The following RIMS3 variants were observed in gnomAD, a reference collection of about 807,000 sequenced individuals.
RIMS3 encodes regulating synaptic membrane exocytosis 3.
RIMS3 carries 15 observed loss-of-function variants against 29.2 expected under a neutral mutation model. The ratio of observed to expected loss-of-function variants is 0.51; its 90% confidence interval spans 0.34 to 0.79. The LOEUF is 0.79. Among genes scored for constraint, RIMS3 ranks in the 30% least tolerant of loss-of-function variants. RIMS3 has a pLI of 0.01. For missense variants in RIMS3, 342 were observed against 421.4 expected (o/e 0.81, Z 1.65); for synonymous variants, 161 against 170.1 (o/e 0.95, Z 0.41).
intron 1 of RIMS3, among the ~76,000 whole-genome samples, chr1:40,655,900 C>A (rs1286065470): frequency 2.0e-5 from 3 of 152,200 alleles, no homozygotes. Flanking sequence ...GTAATCCCAG[C>A]TACTTGGGAG....
At chr1:40,672,529 A>C in the RIMS3 span, among the ~76,000 whole-genome samples, 1 of 152,178 alleles carries the variant, frequency 6.6e-6, no homozygotes, top group African/African-American at 2.4e-5. Context: ...CTTCTGGTTC[A>C]AACACGCATA....
intron 3 of RIMS3, among the ~76,000 whole-genome samples, chr1:40,639,740 C>A (rs1386452588): frequency 6.6e-6 from 1 of 152,128 alleles, no homozygotes; most frequent in Admixed American, 6.5e-5. Flanking sequence ...TCTCCCCAGG[C>A]TCTGGATGCC....
At position 40,622,877 on chromosome 1, in the gene RIMS3, C is replaced by T. The variant is rs115115440; in HGVS notation, c.*3640G>A. Reference sequence around the variant, plus strand: ...GGGCAGCAGGGCATGGAAGAGGGACCCTGGTTGCATGTCAGGGCTCCTGGT... The same window carrying T: ...GGGCAGCAGGGCATGGAAGAGGGACTCTGGTTGCATGTCAGGGCTCCTGGT... On this transcript the variant is annotated 3_prime_UTR_variant, in exon 8 of 8. Coordinates refer to ENST00000372684, the MANE Select transcript of RIMS3 (RefSeq NM_014747.3). 1,295 of 152,776 alleles carry T rather than the reference C, an allele frequency of 8.5e-3. 9 individuals carry two copies. Among genetic ancestry groups the T allele is most frequent in the South Asian group, 0.014 (66 of 4,822 alleles). 9.5% of individuals were successfully genotyped at this position (152,776 alleles called of 1,614,324 possible). A position where few individuals can be genotyped will look rare whatever the true frequency, so the allele number is the denominator to read the frequency against.
intron 2 of RIMS3, among the ~76,000 whole-genome samples, chr1:40,645,938 C>CCACT (rs765638289): frequency 9.2e-5 from 14 of 152,098 alleles, no homozygotes; most frequent in Non-Finnish European, 1.9e-4. Context: ...CAGGCCACTC[C>CCACT]CCAAGGGGCA....
At chr1:40,648,087 T>C (rs1646606897) in intron 1 of RIMS3, among the ~76,000 whole-genome samples, 1 of 152,180 alleles carries the variant, frequency 6.6e-6, no homozygotes, top group Admixed American at 6.5e-5. Context: ...GATTTTTAAA[T>C]ACATGTACAG....
intron 3 of RIMS3, among the ~76,000 whole-genome samples, chr1:40,638,320 A>T (rs146251759): frequency 1.3e-5 from 2 of 152,290 alleles, no homozygotes; most frequent in East Asian, 3.9e-4. Flanking sequence ...AGCTCTTGCA[A>T]TCTCAGAGAC....
intron 1 of RIMS3, among the ~76,000 whole-genome samples, chr1:40,664,778 C>A (rs549076865): frequency 6.6e-6 from 1 of 152,216 alleles, no homozygotes; most frequent in African/African-American, 2.4e-5. Context: ...AGAGCTCCTC[C>A]CTATGAATGA....
chr1:40,657,166 C>T (rs554150853), intron 1 of RIMS3, among the ~76,000 whole-genome samples: 20 of 152,296 alleles, frequency 1.3e-4, no homozygotes, highest in African/African-American at 4.6e-4. Context: ...AAGGATGAGA[C>T]GTGTCCATAG....
At chr1:40,672,445 G>A in the RIMS3 span, among the ~76,000 whole-genome samples, 1 of 151,238 alleles carries the variant, frequency 6.6e-6, no homozygotes, top group South Asian at 2.1e-4. Flanking sequence ...TGATCCACCT[G>A]CCTCGGCCTC....
the RIMS3 span, among the ~76,000 whole-genome samples, chr1:40,672,022 T>A: frequency 7.2e-5 from 11 of 152,014 alleles, no homozygotes; most frequent in South Asian, 2.3e-3. Context: ...CCTCCCAAAG[T>A]GCTGAGATTA....
intron 3 of RIMS3, among the ~76,000 whole-genome samples, chr1:40,639,983 C>T (rs1646545170): frequency 1.3e-5 from 2 of 152,192 alleles, no homozygotes; most frequent in Non-Finnish European, 1.5e-5. Flanking sequence ...GCTCCAATCC[C>T]TGCCTGCAGC....
rs1646425332 is a variant in RIMS3, at chr1:40,622,209, G to A, written c.*4308C>T. The A allele has an allele frequency of 6.5e-6, 1 of 152,676 alleles. No individual in the cohort carries two copies. Among genetic ancestry groups the A allele is most frequent in the Non-Finnish European group, 1.5e-5 (1 of 68,044 alleles). 9.5% of individuals were successfully genotyped at this position (152,676 alleles called of 1,614,324 possible). A position where few individuals can be genotyped will look rare whatever the true frequency, so the allele number is the denominator to read the frequency against. On this transcript the variant is annotated 3_prime_UTR_variant, in exon 8 of 8. Transcript: ENST00000372684. ...CAGAGTTGGTGCCCAAGGAGGCCAAGTTGCTCTCTTTGGCATCACTGACAT... is the reference window on the plus strand; with the variant it reads ...CAGAGTTGGTGCCCAAGGAGGCCAAATTGCTCTCTTTGGCATCACTGACAT...
chr1:40,659,977 TAAG>T (rs1051790366), intron 1 of RIMS3, among the ~76,000 whole-genome samples: 3 of 152,154 alleles, frequency 2.0e-5, no homozygotes, highest in Non-Finnish European at 2.9e-5. Context: ...ACGTTTATCC[TAAG>T]AAGACCATGA....
At chr1:40,631,990 A>G (rs1314840792) in intron 5 of RIMS3, among the ~76,000 whole-genome samples, 1 of 152,184 alleles carries the variant, frequency 6.6e-6, no homozygotes, top group African/African-American at 2.4e-5. Context: ...ATAAAATAAA[A>G]TAAAATAATA....
chr1:40,685,448 C>T, the RIMS3 span, among the ~76,000 whole-genome samples: 7 of 150,544 alleles, frequency 4.6e-5, no homozygotes, highest in South Asian at 2.1e-4. Context: ...CGCACAGTGA[C>T]GCAGGCCTGA....
chr1:40,685,862 G>A, the RIMS3 span, among the ~76,000 whole-genome samples: 14 of 151,994 alleles, frequency 9.2e-5, no homozygotes, highest in Non-Finnish European at 1.5e-4. Context: ...AAAAAAAGTA[G>A]GCTGGACGCA....
upstream of RIMS3, among the ~76,000 whole-genome samples, chr1:40,667,959 T>C (rs1260692548): frequency 6.6e-6 from 1 of 151,940 alleles, no homozygotes; most frequent in Non-Finnish European, 1.5e-5. Context: ...TATAAAAAAA[T>C]ACAAAACTTG....
chr1:40,659,674 G>T (rs1642323755), intron 1 of RIMS3, among the ~76,000 whole-genome samples: 1 of 152,218 alleles, frequency 6.6e-6, no homozygotes, highest in African/African-American at 2.4e-5. Flanking sequence ...AGGTCCTCTG[G>T]AGCAGGGTGC....
At chr1:40,663,280 A>C (rs1642378178) in intron 1 of RIMS3, among the ~76,000 whole-genome samples, 1 of 152,148 alleles carries the variant, frequency 6.6e-6, no homozygotes, top group South Asian at 2.1e-4. Flanking sequence ...TGTGAGAGAC[A>C]CTTCCCTCCT....
Sources: gnomAD v4.1 joint callset for allele counts (sites outside exome capture counted in the v4.1 genomes callset) on GRCh38, gnomAD v4.1.1 for gene constraint, MANE v1.5 for transcripts, NCBI Gene and HGNC (gene_info 2026-07-23, HGNC 2026-07-21) for gene names.